Variants in MEGF11 observed in about 807,000 individuals in gnomAD.
MEGF11 encodes the protein multiple EGF like domains 11, also known as multiple epidermal growth factor-like domains protein 11.
Under a neutral mutation model 146.6 loss-of-function variants are expected in MEGF11, and 126 were observed. The ratio of observed to expected loss-of-function variants is 0.86; its 90% CI spans 0.74 to 1.00. MEGF11 has a LOEUF of 1.00. Among genes scored for constraint, MEGF11 ranks in the 50% least tolerant of loss-of-function variants. MEGF11 has a pLI of 0.00. For synonymous variants in MEGF11, 532 were observed against 583.4 expected (o/e 0.91, Z 1.27); for missense variants, 1,509 against 1,521.2 (o/e 0.99, Z 0.13).
At position 66,039,057 on chromosome 15, in the gene MEGF11, C is replaced by A. The variant is rs576119968; in HGVS notation, c.394+55345G>T. Among the ~76,000 whole-genome samples, 8 of 152,294 alleles carry A rather than the reference C, an allele frequency of 5.3e-5. No homozygotes were observed. The South Asian group carries it at 1.5e-3, about 28-fold the overall frequency. ...AACTTGCTGGAAATGCAGTCTCGGG[C>A]TCCACCTCAGCCCTACCAAAGGAGA... is the stretch of plus-strand genomic sequence containing the variant. On this transcript the variant is annotated intron_variant, in intron 5 of 25. Transcript: ENST00000395614.
At chr15:66,119,870 C>T (rs1201021400) in intron 3 of MEGF11, among the ~76,000 whole-genome samples, 1 of 152,212 alleles carries the variant, frequency 6.6e-6, no homozygotes. Context: ...TACGCTGACA[C>T]AAGTGTTAAG....
In MEGF11 at chr15:65,930,889, A is replaced by G. The variant is rs1172346688; in HGVS notation, c.1342T>C (p.Ser448Pro). Residue 448 changes from serine to proline, a missense_variant, in exon 11 of 26, where the codon TCC (serine) becomes CCC (proline). Physicochemically the swap from Ser to Pro is moderately conservative, Grantham distance 74 (BLOSUM62 -1). Transcript: ENST00000395614. ...AAGTYGPNCS[S>P]ICSCNNGGTC... Reference sequence around the variant, plus strand: ...CCACCATTGTTACAGCTACAGATGGACGAGCAGTTGGGGCCATAGGTCCCT... The same window carrying G: ...CCACCATTGTTACAGCTACAGATGGGCGAGCAGTTGGGGCCATAGGTCCCT... 5 of 1,611,796 alleles carry G rather than the reference A, an allele frequency of 3.1e-6. No homozygotes were observed. Among genetic ancestry groups the G allele is most frequent in the Admixed American group, 1.7e-5 (1 of 59,760 alleles).
At chr15:66,190,176 C>T (rs1597143351) in intron 1 of MEGF11, among the ~76,000 whole-genome samples, 1 of 152,198 alleles carries the variant, frequency 6.6e-6, no homozygotes, top group Non-Finnish European at 1.5e-5. Context: ...GACTTCTGCG[C>T]TAATCTGTCT....
chr15:66,108,580 T>A (rs950429027), intron 4 of MEGF11, among the ~76,000 whole-genome samples: 7 of 152,114 alleles, frequency 4.6e-5, no homozygotes, highest in Admixed American at 2.6e-4. Flanking sequence ...TGAAACACAG[T>A]ATTTGAGTGA....
chr15:65,912,331 C>G (rs751433516), intron 20 of MEGF11, 131 bp from the exon 21 acceptor site: 1 of 477,108 alleles, frequency 2.1e-6, no homozygotes, highest in Non-Finnish European at 3.3e-6. Flanking sequence ...CCCCATCCCC[C>G]AAGCTTCCTG....
intron 4 of MEGF11, among the ~76,000 whole-genome samples, chr15:66,106,613 G>A (rs145433895): frequency 6.6e-6 from 1 of 152,312 alleles, no homozygotes; most frequent in Non-Finnish European, 1.5e-5. Context: ...CACACAGGCA[G>A]TAGGCAGCAG....
chr15:66,251,887 T>G (rs2092375515), intron 1 of MEGF11, among the ~76,000 whole-genome samples: 1 of 152,192 alleles, frequency 6.6e-6, no homozygotes, highest in Non-Finnish European at 1.5e-5. Flanking sequence ...CGGAGAGAGC[T>G]GGTGCATGGT....
At chr15:66,041,006 T>C (rs541525659) in intron 5 of MEGF11, among the ~76,000 whole-genome samples, 6 of 151,822 alleles carry the variant, frequency 4.0e-5, no homozygotes, top group Non-Finnish European at 7.4e-5. Flanking sequence ...CCTGGCTATA[T>C]CTCTCTCAGT....
intron 1 of MEGF11, among the ~76,000 whole-genome samples, chr15:66,137,564 T>TC (rs2088949900): frequency 6.6e-6 from 1 of 151,164 alleles, no homozygotes; most frequent in African/African-American, 2.4e-5. Flanking sequence ...TCTTTCTTTT[T>TC]TTTTTTTTTT....
intron 1 of MEGF11, among the ~76,000 whole-genome samples, chr15:66,141,832 C>A (rs1444609785): frequency 6.6e-6 from 1 of 152,148 alleles, no homozygotes; most frequent in Non-Finnish European, 1.5e-5. Context: ...GGCCTAACAT[C>A]ATCTTTAAAT....
intron 5 of MEGF11, among the ~76,000 whole-genome samples, chr15:66,033,291 C>T (rs1269828267): frequency 6.6e-6 from 1 of 152,040 alleles, no homozygotes; most frequent in African/African-American, 2.4e-5. Flanking sequence ...CTGAGGCTGC[C>T]CCTCCCATAA....
In MEGF11 at chr15:66,178,203, C is replaced by G. The variant is rs189515091; in HGVS notation, c.-8-49792G>C. 3.9e-5 allele frequency among the ~76,000 whole-genome samples: 6 copies of G among 152,270 alleles called. No homozygotes were observed. The East Asian group carries it at 1.2e-3, about 29-fold the overall frequency. On this transcript the variant is annotated intron_variant, in intron 1 of 25. Transcript: ENST00000395614. The stretch of plus-strand genomic sequence containing the variant: ...ATCTCACGATGTTTCCCTGGCTGGT[C>G]TTGAACTCCTGGGCTCAAGCGATCT...
intron 5 of MEGF11, among the ~76,000 whole-genome samples, chr15:66,007,269 C>T (rs2082548374): frequency 6.6e-6 from 1 of 152,222 alleles, no homozygotes; most frequent in Non-Finnish European, 1.5e-5. Context: ...AAGCAACAGC[C>T]AAGCCCATAC....
chr15:66,093,048 C>T (rs1202801238), intron 5 of MEGF11, among the ~76,000 whole-genome samples: 1 of 152,188 alleles, frequency 6.6e-6, no homozygotes, highest in African/African-American at 2.4e-5. Context: ...CCTCAGTTTA[C>T]CTTTCATTGT....
chr15:66,003,089 G>A (rs904862989), intron 5 of MEGF11, among the ~76,000 whole-genome samples: 2 of 151,934 alleles, frequency 1.3e-5, no homozygotes, highest in Non-Finnish European at 1.5e-5. Context: ...TGCCTCCTGG[G>A]TTCAAGCGAT....
chr15:66,080,255 C>T (rs1380183250), intron 5 of MEGF11, among the ~76,000 whole-genome samples: 2 of 152,218 alleles, frequency 1.3e-5, no homozygotes, highest in Non-Finnish European at 2.9e-5. Flanking sequence ...CTTCTGACCC[C>T]ATGACCTCGT....
chr15:66,032,456 G>T (rs1271043031), intron 5 of MEGF11, among the ~76,000 whole-genome samples: 1 of 152,198 alleles, frequency 6.6e-6, no homozygotes, highest in East Asian at 1.9e-4. Flanking sequence ...GAGCATTAAG[G>T]GTGATCCTGG....
chr15:66,250,192 T>A (rs1203700901), intron 1 of MEGF11, among the ~76,000 whole-genome samples: 1 of 152,220 alleles, frequency 6.6e-6, no homozygotes, highest in Non-Finnish European at 1.5e-5. Context: ...TCTCCAATGC[T>A]GCCTCTAAGG....
chr15:65,976,292 C>T (rs756608884), intron 7 of MEGF11, among the ~76,000 whole-genome samples: 12 of 152,102 alleles, frequency 7.9e-5, no homozygotes, highest in Admixed American at 2.6e-4. Context: ...CCACCCGCCT[C>T]GGCCTCCCAA....
Sources: allele counts gnomAD v4.1 joint callset (sites outside exome capture counted in the v4.1 genomes callset), GRCh38; gene constraint gnomAD v4.1.1; transcripts MANE v1.5; gene names NCBI Gene and HGNC (gene_info 2026-07-23, HGNC 2026-07-21).